Variants in TENM3 observed in about 807,000 individuals in gnomAD.
TENM3 encodes the protein teneurin transmembrane protein 3.
In TENM3, 63 loss-of-function variants were observed where a neutral mutation model predicts 255.1. That is an observed-to-expected ratio of 0.25 (90% CI 0.20 to 0.30). The LOEUF is 0.30. Among genes scored for constraint, TENM3 ranks in the 10% least tolerant of loss-of-function variants. The pLI is 1.00. For missense variants in TENM3, 2,929 were observed against 3,461.1 expected, an observed-to-expected ratio of 0.85 and a Z score of 3.86; for synonymous variants, 1,306 against 1,322.3, an observed-to-expected ratio of 0.99 and a Z score of 0.27.
At chr4:181,459,249 A>G in the TENM3 span, among the ~76,000 whole-genome samples, 1 of 151,742 alleles carries the variant, frequency 6.6e-6, no homozygotes, top group African/African-American at 2.4e-5. Context: ...AAATATATTA[A>G]TATTTATTAT....
chr4:181,628,582 A>G, the TENM3 span, among the ~76,000 whole-genome samples: 2 of 152,192 alleles, frequency 1.3e-5, no homozygotes, highest in Admixed American at 1.3e-4. Flanking sequence ...ACCACTTATT[A>G]AATAGGGAAT....
chr4:182,426,018 A>AAAAAAAAAAAAAAAAAAAAAC (rs1561434238), intron 3 of TENM3, among the ~76,000 whole-genome samples: 5 of 151,460 alleles, frequency 3.3e-5, no homozygotes, highest in African/African-American at 1.2e-4. Context: ...AAAAAAAAAA[A>AAAAAAAAAAAAAAAAAAAAAC]AAAAAAAAAA....
chr4:182,634,798 G>A (rs568260057), intron 5 of TENM3, among the ~76,000 whole-genome samples: 2 of 151,368 alleles, frequency 1.3e-5, no homozygotes, highest in South Asian at 4.2e-4. Context: ...TTCTGCGTCT[G>A]TTCACCGTTA....
the TENM3 span, among the ~76,000 whole-genome samples, chr4:181,752,328 TCTC>T: frequency 6.6e-6 from 1 of 152,146 alleles, no homozygotes; most frequent in Non-Finnish European, 1.5e-5. Flanking sequence ...GGCGGGCAGA[TCTC>T]CTCAGGTTAG....
chr4:181,711,736 C>A, the TENM3 span, among the ~76,000 whole-genome samples: 1 of 152,118 alleles, frequency 6.6e-6, no homozygotes. Context: ...GAGCACAGAC[C>A]TTGAAGGTAG....
the TENM3 span, among the ~76,000 whole-genome samples, chr4:181,459,699 T>C: frequency 6.6e-6 from 1 of 151,944 alleles, no homozygotes; most frequent in East Asian, 1.9e-4. Flanking sequence ...TCTGTCTTCA[T>C]GCCAACATCA....
chr4:181,712,582 A>G, the TENM3 span, among the ~76,000 whole-genome samples: 8 of 152,200 alleles, frequency 5.3e-5, no homozygotes, highest in Non-Finnish European at 5.9e-5. Context: ...AGGTATTTCT[A>G]TATAGCAATG....
chr4:182,379,593 G>A (rs1335541560), intron 3 of TENM3, among the ~76,000 whole-genome samples: 1 of 148,942 alleles, frequency 6.7e-6, no homozygotes, highest in African/African-American at 2.6e-5. Context: ...CTGAGGAGGA[G>A]AATGACTTGA....
the TENM3 span, among the ~76,000 whole-genome samples, chr4:181,748,515 G>A: frequency 5.9e-5 from 9 of 151,932 alleles, no homozygotes; most frequent in South Asian, 8.3e-4. Context: ...TTTCTGTATC[G>A]AAATTACTAA....
intron 12 of TENM3, among the ~76,000 whole-genome samples, chr4:182,697,483 C>A (rs1052944189): frequency 6.6e-6 from 1 of 152,286 alleles, no homozygotes; most frequent in African/African-American, 2.4e-5. Context: ...AGAACGAGAA[C>A]TTCTTGAGGT....
the TENM3 span, among the ~76,000 whole-genome samples, chr4:182,024,140 TG>T: frequency 6.6e-6 from 1 of 152,184 alleles, no homozygotes; most frequent in Non-Finnish European, 1.5e-5. Context: ...GATTAACTAC[TG>T]GTCAGAAAGA....
chr4:182,091,660 G>C, the TENM3 span, among the ~76,000 whole-genome samples: 7 of 152,342 alleles, frequency 4.6e-5, no homozygotes, highest in East Asian at 1.4e-3. Flanking sequence ...AACGAAGCTT[G>C]ATGGGGAGCC....
At chr4:181,996,376 C>A in the TENM3 span, among the ~76,000 whole-genome samples, 1 of 152,060 alleles carries the variant, frequency 6.6e-6, no homozygotes, top group Admixed American at 6.6e-5. Flanking sequence ...GGATGATGGA[C>A]AGCCATGCTG....
the TENM3 span, among the ~76,000 whole-genome samples, chr4:182,024,239 T>A: frequency 6.6e-6 from 1 of 152,206 alleles, no homozygotes; most frequent in Admixed American, 6.5e-5. Context: ...TTGTTTTGTA[T>A]TTGTTTTGTT....
the TENM3 span, among the ~76,000 whole-genome samples, chr4:181,719,879 C>T: frequency 6.6e-6 from 1 of 152,150 alleles, no homozygotes; most frequent in Admixed American, 6.5e-5. Flanking sequence ...GGTCTCTTTG[C>T]TGATTCACAG....
intron 3 of TENM3, among the ~76,000 whole-genome samples, chr4:182,572,668 G>GA (rs1744512789): frequency 6.6e-6 from 1 of 152,004 alleles, no homozygotes; most frequent in African/African-American, 2.4e-5. Context: ...GAGCTAAGTA[G>GA]AAAAAAACAA....
the TENM3 span, among the ~76,000 whole-genome samples, chr4:181,649,095 C>A: frequency 2.6e-5 from 4 of 152,182 alleles, no homozygotes; most frequent in African/African-American, 9.7e-5. Context: ...AAGGCCTCTG[C>A]ATTTAAGTAT....
chr4:181,701,974 AG>A, the TENM3 span, among the ~76,000 whole-genome samples: 2 of 152,290 alleles, frequency 1.3e-5, no homozygotes, highest in South Asian at 4.2e-4. Context: ...CCATTAGCAC[AG>A]GATCTGTTGA....
chr4:181,895,748 G>A, the TENM3 span, among the ~76,000 whole-genome samples: 9 of 151,752 alleles, frequency 5.9e-5, no homozygotes, highest in East Asian at 1.6e-3. Flanking sequence ...GTCTCACTGT[G>A]TTGCCAGAGT....
Sources: allele counts gnomAD v4.1 joint callset (sites outside exome capture counted in the v4.1 genomes callset), GRCh38; gene constraint gnomAD v4.1.1; transcripts MANE v1.5; gene names NCBI Gene and HGNC (gene_info 2026-07-23, HGNC 2026-07-21).